Variants in PCLO observed in about 807,000 individuals in gnomAD.
PCLO encodes piccolo presynaptic cytomatrix protein, also known as protein piccolo.
Under a neutral mutation model 427.5 loss-of-function variants are expected in PCLO, and 82 were observed. The observed-to-expected ratio is 0.19, with a 90% CI of 0.16 to 0.23. The LOEUF (loss-of-function observed/expected upper bound fraction) is 0.23. Among genes scored for constraint, PCLO ranks in the 10% least tolerant of loss-of-function variants. PCLO has a pLI of 1.00. For synonymous variants in PCLO, 2,357 were observed against 2,155.4 expected (o/e 1.09, Z -2.59); for missense variants, 6,239 against 6,115.9 (o/e 1.02, Z -0.67).
intron 4 of PCLO, among the ~76,000 whole-genome samples, chr7:82,959,531 A>T (rs1795609264): frequency 6.6e-6 from 1 of 152,216 alleles, no homozygotes; most frequent in South Asian, 2.1e-4. Flanking sequence ...GATATTATAC[A>T]AAACAGATTA....
In PCLO at chr7:82,953,658, G is replaced by A. The variant is rs1795421830; in HGVS notation, c.7295C>T (p.Ser2432Leu). 6.9e-7 allele frequency: 1 copy of A among 1,454,918 alleles called. No individual in the cohort carries two copies. The highest frequency in any genetic ancestry group is 1.5e-5 in the African/African-American group (1 of 68,022). The allele number at this position is 1,454,918 out of a possible 1,614,324, so 90.1% of individuals were successfully genotyped here. The stretch of plus-strand genomic sequence containing the variant: ...TTTAGGAAGAATAGTTGGTTTAGGT[G>A]AAGTTGGTGGAGGAAGTGGTGGGGG... ...PPPPPLPPPT[S>L]PKPTILPKKK... Residue 2432 changes from serine to leucine, a missense_variant, in exon 5 of 25, where the codon TCA becomes TTA. Physicochemically the swap from Ser to Leu is moderately radical, Grantham distance 145. Around this residue, in one of 5 missense-constraint regions of PCLO, gnomAD observed 4,677 missense variants for 4,468.4 expected, o/e 1.05. Coordinates refer to ENST00000333891, the MANE Select transcript of PCLO (RefSeq NM_033026.6).
intron 3 of PCLO, among the ~76,000 whole-genome samples, chr7:83,122,286 C>CTTTTTT (rs71074624): frequency 1.4e-4 from 18 of 128,288 alleles, no homozygotes; most frequent in South Asian, 2.4e-4. Context: ...CTTTTCTTTT[C>CTTTTTT]TTTTTTTTTT....
Position 82,952,386 on chromosome 7 carries a change from G to C in PCLO, c.8567C>G (p.Ser2856Cys). 2 of 1,613,920 alleles carry C rather than the reference G, an allele frequency of 1.2e-6. No individual in the cohort carries two copies. Among genetic ancestry groups the C allele is most frequent in the Non-Finnish European group, 1.7e-6 (2 of 1,179,820 alleles). ...IAREEAPINL[S>C]LGTPAHAVTL... ...CACTGCATGTGCTGGAGTACCTAGA[G>C]ATAAGTTTATTGGTGCTTCTTCCCT... Residue 2856 changes from serine (S) to cysteine (C), a missense_variant, in exon 5 of 25, where the codon TCT (serine) becomes TGT (cysteine). Transcript: ENST00000333891.
intron 3 of PCLO, among the ~76,000 whole-genome samples, chr7:83,001,828 C>G (rs949544642): frequency 6.6e-6 from 1 of 151,992 alleles, no homozygotes; most frequent in Non-Finnish European, 1.5e-5. Flanking sequence ...CTCCGATGCA[C>G]ACACTTACTC....
chr7:83,020,799 A>T (rs1306114177), intron 3 of PCLO, among the ~76,000 whole-genome samples: 1 of 152,138 alleles, frequency 6.6e-6, no homozygotes, highest in Non-Finnish European at 1.5e-5. Context: ...TCAGGGAAGA[A>T]GGGAAGGGTA....
chr7:83,105,719 G>A (rs1790837207), intron 3 of PCLO, among the ~76,000 whole-genome samples: 1 of 152,142 alleles, frequency 6.6e-6, no homozygotes, highest in African/African-American at 2.4e-5. Context: ...TGAACTGTTA[G>A]ATATTTAATT....
At position 82,989,103 on chromosome 7, in the gene PCLO, C is replaced by T. The variant is rs182875407; in HGVS notation, c.3301-22616G>A. Among the ~76,000 whole-genome samples, 963 of 152,122 alleles carry T rather than the reference C, an allele frequency of 6.3e-3. 15 individuals carry two copies. Among genetic ancestry groups the T allele is most frequent in the African/African-American group, 0.022 (903 of 41,488 alleles). ...CCTCCCAAAGTGGTGGGATTACAGGCATGAGCCACTGCGCTTGGCCAAGGA... is the reference window on the plus strand; with the variant it reads ...CCTCCCAAAGTGGTGGGATTACAGGTATGAGCCACTGCGCTTGGCCAAGGA... On this transcript the variant is annotated intron_variant, in intron 3 of 24. Coordinates refer to ENST00000333891, the MANE Select transcript of PCLO (RefSeq NM_033026.6).
intron 6 of PCLO, among the ~76,000 whole-genome samples, chr7:82,928,641 C>G (rs1794770777): frequency 6.6e-6 from 1 of 152,092 alleles, no homozygotes; most frequent in Admixed American, 6.6e-5. Context: ...TCCCAAAATG[C>G]TGGGATTGCA....
intron 4 of PCLO, among the ~76,000 whole-genome samples, chr7:82,961,586 T>C (rs1310990143): frequency 2.6e-5 from 4 of 152,172 alleles, no homozygotes; most frequent in Non-Finnish European, 5.9e-5. Flanking sequence ...GACACTAGGA[T>C]TTTAGTTGTA....
At chr7:82,998,391 A>AAACAAC (rs79603092) in intron 3 of PCLO, among the ~76,000 whole-genome samples, 13,955 of 149,108 alleles carry the variant, frequency 0.094, 897 homozygotes, top group Non-Finnish European at 0.13. Context: ...TGTCCTTTAA[A>AAACAAC]AACAACAACA....
At position 83,162,474 on chromosome 7, in the gene PCLO, C is replaced by T; in HGVS notation, c.119G>A (p.Gly40Asp). The stretch of plus-strand genomic sequence containing the variant: ...CAGCTGGCTCAAATCCGCCTCCATG[C>T]CGGCCGGGATCGCGGTGTGAGAGGG... ...GSPSHTAIPA[G>D]MEADLSQLSE... Residue 40 changes from glycine to aspartate, a missense_variant, in exon 1 of 25, where the codon GGC (glycine) becomes GAC (aspartate). Around this residue, in one of 5 missense-constraint regions of PCLO, gnomAD observed 4,677 missense variants for 4,468.4 expected, o/e 1.05. Transcript: ENST00000333891. 3 of 1,583,872 alleles carry T rather than the reference C, an allele frequency of 1.9e-6. No individual in the cohort carries two copies. Among genetic ancestry groups the T allele is most frequent in the Non-Finnish European group, 2.6e-6 (3 of 1,164,850 alleles).
chr7:82,911,579 T>A (rs925321789), intron 7 of PCLO, among the ~76,000 whole-genome samples: 1 of 152,096 alleles, frequency 6.6e-6, no homozygotes, highest in Non-Finnish European at 1.5e-5. Context: ...ATCGGTGAAA[T>A]ATATATACTT....
chr7:83,005,724 C>T (rs1372649511), intron 3 of PCLO, among the ~76,000 whole-genome samples: 1 of 151,528 alleles, frequency 6.6e-6, no homozygotes, highest in Non-Finnish European at 1.5e-5. Flanking sequence ...CTTAAATATA[C>T]ATACTTTTTA....
intron 3 of PCLO, among the ~76,000 whole-genome samples, chr7:83,107,723 G>A (rs1328451118): frequency 3.0e-4 from 8 of 26,880 alleles, no homozygotes. Context: ...ATGTGCGGTG[G>A]CTCACGCCTA....
chr7:83,155,655 G>C lies in PCLO; in HGVS notation c.986C>G (p.Ala329Gly). ...CCCTGAGGGCTGAGCTGGGGGCTTT[G>C]CAGGCCCAGGCTGTGATTTTTCATG... ...PGHEKSQPGP[A>G]KPPAQPSGLT... Residue 329 changes from alanine to glycine, a missense_variant, in exon 2 of 25, where the codon GCA (alanine) becomes GGA (glycine). Physicochemically the swap from Ala to Gly is moderately conservative, Grantham distance 60 (BLOSUM62 0). Around this residue, in one of 5 missense-constraint regions of PCLO, gnomAD observed 4,677 missense variants for 4,468.4 expected, o/e 1.05. Transcript: ENST00000333891. The C allele has an allele frequency of 1.9e-6, 3 of 1,613,804 alleles. No homozygotes were observed. The highest frequency in any genetic ancestry group is 1.7e-6 in the Non-Finnish European group (2 of 1,179,852).
chr7:82,876,956 A>C (rs1264222516), intron 10 of PCLO, among the ~76,000 whole-genome samples: 4 of 152,176 alleles, frequency 2.6e-5, no homozygotes, highest in African/African-American at 9.6e-5. Context: ...TAATTAATCA[A>C]AATAAAATCT....
At chr7:83,124,550 C>T (rs1277176576) in intron 3 of PCLO, among the ~76,000 whole-genome samples, 1 of 151,968 alleles carries the variant, frequency 6.6e-6, no homozygotes, top group Non-Finnish European at 1.5e-5. Context: ...TGAGCCCTCA[C>T]ACATTGTTGA....
chr7:82,817,271 G>T (rs189638953), intron 20 of PCLO, among the ~76,000 whole-genome samples: 48 of 152,232 alleles, frequency 3.2e-4, no homozygotes, highest in South Asian at 2.1e-3. Flanking sequence ...CAAACACATG[G>T]AAATGAGGAA....
chr7:82,790,775 GTAGTTTTTAATTGAAGTAATAATCT>G, intron 22 of PCLO, among the ~76,000 whole-genome samples: 1 of 152,298 alleles, frequency 6.6e-6, no homozygotes, highest in Middle Eastern at 3.4e-3. Context: ...AGTAAATTAT[GTAGTTTTTAATTGAAGTAATAATCT>G]CTCTGAGTTC....
Sources: allele counts gnomAD v4.1 joint callset (sites outside exome capture counted in the v4.1 genomes callset), GRCh38; gene constraint gnomAD v4.1.1; regional missense constraint gnomAD v4.1.1; transcripts MANE v1.5; gene names NCBI Gene and HGNC (gene_info 2026-07-23, HGNC 2026-07-21).